PARD3: variants seen among roughly 807,000 people sequenced by gnomAD.
The protein encoded by PARD3 is par-3 family cell polarity regulator, also known as partitioning defective 3 homolog.
PARD3 carries 75 observed loss-of-function variants against 155.4 expected under a neutral mutation model. That is an observed-to-expected ratio of 0.48 (90% CI 0.40 to 0.58). The LOEUF is 0.58. PARD3 is among the 20% of genes least tolerant of loss of function. The pLI, the probability that PARD3 is intolerant of heterozygous loss-of-function variation, is 0.00. For missense variants in PARD3, 1,642 were observed against 1,721.7 expected (o/e 0.95, Z 0.82); for synonymous variants, 576 against 610.5 (o/e 0.94, Z 0.83).
intron 7 of PARD3, among the ~76,000 whole-genome samples, chr10:34,394,785 T>C (rs1843162479): frequency 1.3e-5 from 2 of 152,148 alleles, no homozygotes; most frequent in African/African-American, 4.8e-5. Flanking sequence ...CCAGGATGTA[T>C]CATTACCGTT....
intron 1 of PARD3, among the ~76,000 whole-genome samples, chr10:34,704,545 C>CCTATTAA (rs2094334608): frequency 6.6e-6 from 1 of 152,076 alleles, no homozygotes; most frequent in Non-Finnish European, 1.5e-5. Context: ...TAGGGTTAAA[C>CCTATTAA]CTTCCATGTT....
At chr10:34,329,524 G>A (rs949462755) in intron 19 of PARD3, among the ~76,000 whole-genome samples, 2 of 152,140 alleles carry the variant, frequency 1.3e-5, no homozygotes, top group Non-Finnish European at 1.5e-5. Flanking sequence ...CAGGATCTTG[G>A]AGACCAGGTT....
chr10:34,236,337 C>G (rs894807831), intron 22 of PARD3, among the ~76,000 whole-genome samples: 1 of 152,092 alleles, frequency 6.6e-6, no homozygotes. Flanking sequence ...CACTCTTATT[C>G]CATTTATTTC....
chr10:34,591,404 A>T (rs1273358214), intron 2 of PARD3, among the ~76,000 whole-genome samples: 2 of 152,134 alleles, frequency 1.3e-5, no homozygotes, highest in East Asian at 3.9e-4. Context: ...TTACCCATTC[A>T]TTCTCTCATT....
intron 15 of PARD3, chr10:34,344,957 G>C (rs1056743580): frequency 6.1e-6 from 6 of 985,344 alleles, no homozygotes; most frequent in Middle Eastern, 5.2e-4. Context: ...TGGAGTATGT[G>C]GTTTGAAGGC....
At chr10:34,463,866 C>A (rs947391596) in intron 4 of PARD3, among the ~76,000 whole-genome samples, 1 of 152,104 alleles carries the variant, frequency 6.6e-6, no homozygotes, top group Non-Finnish European at 1.5e-5. Context: ...GCTGTGTATT[C>A]AGTATAGCTA....
chr10:34,456,366 G>A (rs983398934), intron 4 of PARD3, among the ~76,000 whole-genome samples: 7 of 151,874 alleles, frequency 4.6e-5, no homozygotes, highest in African/African-American at 1.7e-4. Flanking sequence ...GCTCAATCTC[G>A]GCTCACCACA....
intron 2 of PARD3, among the ~76,000 whole-genome samples, chr10:34,531,252 G>A (rs925454556): frequency 2.6e-5 from 4 of 151,918 alleles, no homozygotes; most frequent in Non-Finnish European, 4.4e-5. Context: ...CATTAAAACC[G>A]TGTTTAGGCA....
intron 2 of PARD3, among the ~76,000 whole-genome samples, chr10:34,684,774 TACATACACACACACACAC>T (rs1564504329): frequency 1.4e-4 from 15 of 109,214 alleles, no homozygotes; most frequent in Middle Eastern, 4.7e-3. Context: ...GGCTTGATGA[TACATACACACACACACAC>T]ACACACACAC....
chr10:34,429,766 T>C (rs961258560), intron 5 of PARD3, among the ~76,000 whole-genome samples: 2 of 152,186 alleles, frequency 1.3e-5, no homozygotes, highest in Admixed American at 6.5e-5. Context: ...TTTGTATTTT[T>C]AGTAGAGACA....
intron 2 of PARD3, among the ~76,000 whole-genome samples, chr10:34,662,519 GATGA>G (rs2093348765): frequency 6.6e-6 from 1 of 152,168 alleles, no homozygotes; most frequent in South Asian, 2.1e-4. Context: ...TCCATCAACA[GATGA>G]ATGAATAAAG....
At chr10:34,127,470 T>C (rs1395801980) in intron 23 of PARD3, among the ~76,000 whole-genome samples, 1 of 152,194 alleles carries the variant, frequency 6.6e-6, no homozygotes, top group African/African-American at 2.4e-5. Context: ...GTACCAAGTA[T>C]TCCTTTATTT....
At chr10:34,386,817 CAA>C (rs79015033) in intron 7 of PARD3, among the ~76,000 whole-genome samples, 44 of 85,404 alleles carry the variant, frequency 5.2e-4, no homozygotes, top group Admixed American at 1.0e-3. Flanking sequence ...AAACTCCGTC[CAA>C]AAAAAAAAAA....
chr10:34,319,078 C>CT lies in PARD3; in HGVS notation c.2834-1741dup, dbSNP rs34948436. 2.5e-3 allele frequency among the ~76,000 whole-genome samples: 283 copies of CT among 114,600 alleles called. 2 individuals carry two copies. The highest frequency in any genetic ancestry group is 3.7e-3 in the East Asian group (14 of 3,752). 75.2% of individuals were successfully genotyped at this position (114,600 alleles called of 152,430 possible). A position where few individuals can be genotyped will look rare whatever the true frequency, so the allele number is the denominator to read the frequency against. On this transcript the variant is annotated intron_variant, in intron 19 of 24. Transcript: ENST00000374788. Reference sequence around the variant, plus strand: ...ACAGGAGTGAGCCACTGCACCCAGACTTTTTTTTTTTTTTTTTTTTCTTCT... The same window carrying CT: ...ACAGGAGTGAGCCACTGCACCCAGACTTTTTTTTTTTTTTTTTTTTTCTTCT...
intron 22 of PARD3, among the ~76,000 whole-genome samples, chr10:34,194,373 G>C (rs946587301): frequency 1.3e-5 from 2 of 152,146 alleles, no homozygotes; most frequent in African/African-American, 4.8e-5. Flanking sequence ...GCACACAGCA[G>C]GTTCAGGAGC....
intron 22 of PARD3, among the ~76,000 whole-genome samples, chr10:34,144,586 T>G (rs1948363976): frequency 6.6e-6 from 1 of 152,204 alleles, no homozygotes; most frequent in Non-Finnish European, 1.5e-5. Context: ...CAAATTCCTC[T>G]GGTATTTAGA....
At chr10:34,634,857 G>C (rs1164601602) in intron 2 of PARD3, among the ~76,000 whole-genome samples, 1 of 152,168 alleles carries the variant, frequency 6.6e-6, no homozygotes, top group Non-Finnish European at 1.5e-5. Flanking sequence ...GGAACAAAAG[G>C]CATCAAAAAG....
At chr10:34,587,267 C>T (rs1266531612) in intron 2 of PARD3, among the ~76,000 whole-genome samples, 5 of 152,032 alleles carry the variant, frequency 3.3e-5, no homozygotes, top group East Asian at 1.9e-4. Context: ...GGATTACAGG[C>T]GCCTGCCAGC....
At chr10:34,704,525 G>A (rs867656727) in intron 1 of PARD3, among the ~76,000 whole-genome samples, 28 of 152,236 alleles carry the variant, frequency 1.8e-4, no homozygotes, top group Non-Finnish European at 2.6e-4. Flanking sequence ...GCACACATAC[G>A]GTAGTGAAAT....
Sources: gnomAD v4.1 joint callset for allele counts (sites outside exome capture counted in the v4.1 genomes callset) on GRCh38, gnomAD v4.1.1 for gene constraint, MANE v1.5 for transcripts, NCBI Gene and HGNC (gene_info 2026-07-23, HGNC 2026-07-21) for gene names.